The following CFAP91 variants were observed in gnomAD, a reference collection of about 807,000 sequenced individuals.
CFAP91 encodes the protein cilia- and flagella-associated protein 91.
CFAP91 carries 85 observed loss-of-function variants against 95.9 expected under a neutral mutation model. The ratio of observed to expected loss-of-function variants is 0.89; its 90% CI spans 0.74 to 1.06. CFAP91 has a LOEUF of 1.06. CFAP91 is among the 50% of genes least tolerant of loss of function. The pLI is 0.00. For synonymous variants in CFAP91, 335 were observed against 327.5 expected, an observed-to-expected ratio of 1.02 and a Z score of -0.25; for missense variants, 962 against 943.4, an observed-to-expected ratio of 1.02 and a Z score of -0.26.
At chr3:119,733,137 C>T (rs1291300229) in intron 9 of CFAP91, among the ~76,000 whole-genome samples, 1 of 152,128 alleles carries the variant, frequency 6.6e-6, no homozygotes, top group Non-Finnish European at 1.5e-5. Flanking sequence ...AATATTTTCA[C>T]TTTAGAATGC....
rs2053418477 is a variant in CFAP91, at chr3:119,708,633, T to A, written c.402T>A (p.Asp134Glu). 6.2e-7 allele frequency: 1 copy of A among 1,607,226 alleles called. No homozygotes were observed. Among genetic ancestry groups the A allele is most frequent in the African/African-American group, 1.3e-5 (1 of 74,702 alleles). ...SFQMPKEVYE[D>E]PEVTGKNRYK... The stretch of plus-strand genomic sequence containing the variant: ...AGATGCCTAAAGAAGTTTATGAAGA[T>A]CCTGAAGTTACTGGAAAGAATCGCT... Residue 134 changes from aspartate to glutamate, a missense_variant, in exon 4 of 18, where the codon GAT becomes GAA. Asp to Glu is a conservative substitution (Grantham distance 45, BLOSUM62 2). Transcript: ENST00000273390.
At position 119,703,237 on chromosome 3, in the gene CFAP91, A is replaced by G; in HGVS notation, c.124+15A>G. ...TTTTCTGTACGGTAAGGACCGCCGC[A>G]GACCTTCCTCCGCGTCCGTCGCCTC... On this transcript the variant is annotated intron_variant, in intron 1 of 17. Coordinates refer to ENST00000273390, the MANE Select transcript of CFAP91 (RefSeq NM_033364.4). 1 of 1,610,952 alleles carries G rather than the reference A, an allele frequency of 6.2e-7. No individual in the cohort carries two copies. The highest frequency in any genetic ancestry group is 8.5e-7 in the Non-Finnish European group (1 of 1,178,620).
At chr3:119,728,858 C>T (rs1413044073) in intron 7 of CFAP91, among the ~76,000 whole-genome samples, 4 of 152,180 alleles carry the variant, frequency 2.6e-5, no homozygotes, top group South Asian at 2.1e-4. Flanking sequence ...TCTTCTTCCA[C>T]GAAGAGTTTT....
rs1300916422 is a variant in CFAP91, at chr3:119,740,696, GT to G, written c.1680+5del. On this transcript the variant is annotated splice_donor_variant, in intron 13 of 17. Transcript: ENST00000273390. LOFTEE classifies it high-confidence loss of function. Reference sequence around the variant, plus strand: ...GCAGAGGAACTTGCATGAGCACAAGGTTTTCCTTTTTTTGTTTTCTTGTTAC... The same window carrying G: ...GCAGAGGAACTTGCATGAGCACAAGGTTTCCTTTTTTTGTTTTCTTGTTAC... The G allele has an allele frequency of 6.2e-7, 1 of 1,613,026 alleles. No homozygotes were observed. Among genetic ancestry groups the G allele is most frequent in the Non-Finnish European group, 8.5e-7 (1 of 1,179,564 alleles).
chr3:119,712,683 G>A (rs1032026473), intron 5 of CFAP91, among the ~76,000 whole-genome samples: 3 of 152,080 alleles, frequency 2.0e-5, no homozygotes, highest in African/African-American at 2.4e-5. Flanking sequence ...GCCCGTGTGC[G>A]GTGGCTCAGA....
At chr3:119,715,456 G>T in intron 5 of CFAP91, 106 bp from the exon 6 acceptor site, 2 of 934,166 alleles carry the variant, frequency 2.1e-6, no homozygotes, top group East Asian at 4.8e-5. Flanking sequence ...ACATTTAAAA[G>T]AGGAATGGAC....
chr3:119,706,615 G>A, intron 1 of CFAP91, 194 bp from the exon 2 acceptor site: 1 of 532,086 alleles, frequency 1.9e-6, no homozygotes, highest in Non-Finnish European at 3.4e-6. Context: ...AAAACATCTT[G>A]ACAACTGTTG....
intron 6 of CFAP91, among the ~76,000 whole-genome samples, chr3:119,724,132 C>T (rs1042804389): frequency 6.8e-6 from 1 of 148,116 alleles, no homozygotes; most frequent in Non-Finnish European, 1.5e-5. Context: ...CGTGCCATTG[C>T]ACTCCAGCCT....
At chr3:119,708,484 T>A in intron 3 of CFAP91, 107 bp from the exon 4 acceptor site, 1 of 716,326 alleles carries the variant, frequency 1.4e-6, no homozygotes, top group Non-Finnish European at 2.4e-6. Flanking sequence ...TTACTCTCAG[T>A]ATGAGATACT....
At chr3:119,709,159 A>G (rs1047161279) in intron 4 of CFAP91, among the ~76,000 whole-genome samples, 1 of 152,188 alleles carries the variant, frequency 6.6e-6, no homozygotes, top group Admixed American at 6.5e-5. Flanking sequence ...TTCATTTGTG[A>G]TTTATGCTTA....
chr3:119,764,750 G>T (rs1166253331), intron 17 of CFAP91, among the ~76,000 whole-genome samples: 1 of 152,060 alleles, frequency 6.6e-6, no homozygotes, highest in East Asian at 1.9e-4. Context: ...GGGGAAAAGA[G>T]ATTTACCTTT....
At position 119,740,648 on chromosome 3, in the gene CFAP91, C is replaced by G; in HGVS notation, c.1633C>G (p.Gln545Glu). The change falls in exon 13 of 18, where the codon CAA becomes GAA. Residue 545 changes from glutamine (Q) to glutamate (E), a missense_variant. Coordinates refer to ENST00000273390, the MANE Select transcript of CFAP91 (RefSeq NM_033364.4). ...AAAGCTGGTGAAAAAAGCCGAGAAG[C>G]AAGTGACCCTGGCCTTACAGCGGCA... ...DEKLVKKAEK[Q>E]VTLALQRQRN... The G allele has an allele frequency of 6.2e-7, 1 of 1,614,216 alleles. No homozygotes were observed.
chr3:119,732,821 A>G (rs752984367), intron 9 of CFAP91, among the ~76,000 whole-genome samples: 6 of 152,256 alleles, frequency 3.9e-5, no homozygotes, highest in Admixed American at 3.3e-4. Context: ...TTATAAAGAA[A>G]TGTCAAAAAA....
intron 6 of CFAP91, among the ~76,000 whole-genome samples, chr3:119,723,473 A>G (rs1034269305): frequency 3.9e-5 from 6 of 152,242 alleles, no homozygotes; most frequent in Non-Finnish European, 8.8e-5. Flanking sequence ...ATGTCATTTG[A>G]GAAGATAGAT....
chr3:119,717,010 A>T (rs1316634866), intron 6 of CFAP91, among the ~76,000 whole-genome samples: 1 of 152,260 alleles, frequency 6.6e-6, no homozygotes, highest in Non-Finnish European at 1.5e-5. Context: ...ATTAATAAAC[A>T]TGTAGACACA....
intron 7 of CFAP91, among the ~76,000 whole-genome samples, chr3:119,729,578 A>G (rs1188054231): frequency 1.3e-5 from 2 of 151,762 alleles, no homozygotes; most frequent in African/African-American, 4.8e-5. Context: ...CGGGAGGCAG[A>G]GGCTGCAGTG....
intron 6 of CFAP91, among the ~76,000 whole-genome samples, chr3:119,720,016 A>G (rs1208954729): frequency 1.3e-5 from 2 of 151,534 alleles, no homozygotes; most frequent in African/African-American, 4.9e-5. Context: ...GGTTGCAGTG[A>G]GTGACCCAAG....
chr3:119,737,215 G>T, intron 10 of CFAP91, 151 bp from the exon 11 acceptor site: 1 of 559,952 alleles, frequency 1.8e-6, no homozygotes, highest in Admixed American at 3.4e-5. Flanking sequence ...AAAATATAGG[G>T]TACAATATAC....
At chr3:119,709,360 AATGTT>A (rs1244515928) in intron 4 of CFAP91, among the ~76,000 whole-genome samples, 2 of 152,210 alleles carry the variant, frequency 1.3e-5, no homozygotes, top group African/African-American at 4.8e-5. Context: ...TTTCCAGAGA[AATGTT>A]AAATTCTTAA....
Sources: gnomAD v4.1 joint callset for allele counts (sites outside exome capture counted in the v4.1 genomes callset) on GRCh38, gnomAD v4.1.1 for gene constraint, MANE v1.5 for transcripts, NCBI Gene and HGNC (gene_info 2026-07-23, HGNC 2026-07-21) for gene names.